The following SLCO1C1 variants were observed in gnomAD, a reference collection of about 807,000 sequenced individuals.
SLCO1C1 encodes the protein OAT-RP-5.
A neutral mutation model predicts 76.4 loss-of-function variants in SLCO1C1; 70 were observed. The ratio of observed to expected loss-of-function variants is 0.92; its 90% CI spans 0.76 to 1.12. SLCO1C1 has a LOEUF of 1.12. Among genes scored for constraint, SLCO1C1 ranks in the 50% most tolerant of loss-of-function variants. SLCO1C1 has a pLI of 0.00. For missense variants in SLCO1C1, 912 were observed against 823.8 expected, an observed-to-expected ratio of 1.11 and a Z score of -1.31; for synonymous variants, 306 against 286.1, an observed-to-expected ratio of 1.07 and a Z score of -0.70.
chr12:20,742,370 A>C (rs2120892331), intron 12 of SLCO1C1, among the ~76,000 whole-genome samples: 1 of 152,052 alleles, frequency 6.6e-6, no homozygotes, highest in South Asian at 2.1e-4. Context: ...CAGAGACTAA[A>C]TGATATAATA....
intron 9 of SLCO1C1, among the ~76,000 whole-genome samples, chr12:20,724,411 GTATATATATATATA>G (rs1168220832): frequency 1.9e-4 from 17 of 88,216 alleles, no homozygotes; most frequent in African/African-American, 3.8e-4. Flanking sequence ...GTGTGTGTGT[GTATATATATATATA>G]TATATATATA....
chr12:20,696,321 C>G (rs1315328671), intron 1 of SLCO1C1, among the ~76,000 whole-genome samples: 5 of 152,058 alleles, frequency 3.3e-5, no homozygotes, highest in African/African-American at 4.8e-5. Flanking sequence ...AGGTTTTCCT[C>G]ACAGGAGATG....
intron 13 of SLCO1C1, among the ~76,000 whole-genome samples, chr12:20,749,266 C>CA (rs2120933392): frequency 6.6e-6 from 1 of 152,028 alleles, no homozygotes; most frequent in East Asian, 1.9e-4. Context: ...AAAACATATA[C>CA]AAAAAAGGTT....
rs1332849800 is a variant in SLCO1C1 at position 20,701,432 on chromosome 12, G to A, written c.244G>A (p.Gly82Arg). The A allele has an allele frequency of 2.6e-6, 4 of 1,525,268 alleles. No individual in the cohort carries two copies. The highest frequency in any genetic ancestry group is 1.7e-5 in the Admixed American group (1 of 57,500). 94.5% of individuals were successfully genotyped at this position (1,525,268 alleles called of 1,614,324 possible). A position where few individuals can be genotyped will look rare whatever the true frequency, so the allele number is the denominator to read the frequency against. Residue 82 changes from glycine to arginine, a missense_variant, in exon 3 of 15, where the codon GGA becomes AGA. Transcript: ENST00000266509. ...GTTTGATATCCCTTCTTCACTGGTG[G>A]GAGTTATTGATGGTAGTTTTGAAAT... ...RRFDIPSSLV[G>R]VIDGSFEIGN...
chr12:20,745,210 TTA>T (rs1324828488), intron 13 of SLCO1C1, among the ~76,000 whole-genome samples: 1 of 152,168 alleles, frequency 6.6e-6, no homozygotes, highest in Non-Finnish European at 1.5e-5. Flanking sequence ...ATGTAGCTTT[TTA>T]TATGATTGTT....
At chr12:20,696,157 T>C (rs1326716532) in intron 1 of SLCO1C1, among the ~76,000 whole-genome samples, 1 of 152,160 alleles carries the variant, frequency 6.6e-6, no homozygotes, top group Non-Finnish European at 1.5e-5. Context: ...ACAAAAATAG[T>C]ACTTATTAAA....
chr12:20,746,032 T>C (rs1393959106), intron 13 of SLCO1C1, among the ~76,000 whole-genome samples: 3 of 152,112 alleles, frequency 2.0e-5, no homozygotes, highest in African/African-American at 4.8e-5. Context: ...TAAAAGCATA[T>C]GGCACCTTGG....
rs373445955 is a variant in SLCO1C1 at position 20,722,026 on chromosome 12, C to T, written c.998C>T (p.Ala333Val). 5.9e-5 allele frequency: 95 copies of T among 1,612,444 alleles called. No homozygotes were observed. The highest frequency in any genetic ancestry group is 7.5e-5 in the Non-Finnish European group (89 of 1,179,540). Residue 333 changes from alanine to valine, a missense_variant, in exon 8 of 15, where the codon GCA becomes GTA. Transcript: ENST00000266509. ...TDYQTPQGENAKIMEMARDFL... is the reference protein window; with the variant it reads ...TDYQTPQGENVKIMEMARDFL... ...TACCAAACACCCCAGGGAGAAAATG[C>T]AAAAATAATGGAAATGGCAAGAGGT...
At chr12:20,708,402 G>A (rs923767572) in intron 4 of SLCO1C1, among the ~76,000 whole-genome samples, 2 of 152,100 alleles carry the variant, frequency 1.3e-5, no homozygotes, top group African/African-American at 4.8e-5. Context: ...CTGAGGAGGA[G>A]ACAGAAAATA....
At chr12:20,737,015 CA>C (rs1948577529) in intron 10 of SLCO1C1, 91 bp from the exon 11 acceptor site, 1 of 1,166,444 alleles carries the variant, frequency 8.6e-7, no homozygotes, top group Non-Finnish European at 1.1e-6. Context: ...TTCATAGTAT[CA>C]TTTATATCAC....
intron 3 of SLCO1C1, among the ~76,000 whole-genome samples, chr12:20,703,977 GT>G (rs1946652603): frequency 1.4e-5 from 2 of 145,152 alleles, no homozygotes; most frequent in Non-Finnish European, 3.1e-5. Flanking sequence ...GTGTGTGTGT[GT>G]GTGTGTGTGC....
intron 9 of SLCO1C1, among the ~76,000 whole-genome samples, chr12:20,729,470 G>A (rs562009247): frequency 6.6e-6 from 1 of 152,128 alleles, no homozygotes; most frequent in East Asian, 1.9e-4. Flanking sequence ...GTTGGAGGGT[G>A]CGATACATAA....
intron 9 of SLCO1C1, among the ~76,000 whole-genome samples, chr12:20,732,628 T>C (rs1948339977): frequency 6.6e-6 from 1 of 152,166 alleles, no homozygotes; most frequent in South Asian, 2.1e-4. Context: ...TAATTGTACT[T>C]GTTAATGCTG....
intron 7 of SLCO1C1, 27 bp from the exon 8 acceptor site, chr12:20,721,777 T>C (rs781687236): frequency 5.0e-6 from 8 of 1,608,394 alleles, no homozygotes; most frequent in Non-Finnish European, 6.8e-6. Context: ...CTGTTTGTAT[T>C]ACTTAGCCAT....
intron 4 of SLCO1C1, among the ~76,000 whole-genome samples, chr12:20,708,030 C>A (rs1230862684): frequency 6.6e-6 from 1 of 152,146 alleles, no homozygotes; most frequent in Non-Finnish European, 1.5e-5. Flanking sequence ...CAAAAACACA[C>A]ACAATTCTTC....
At chr12:20,718,402 A>C (rs189890618) in intron 7 of SLCO1C1, among the ~76,000 whole-genome samples, 127 of 152,346 alleles carry the variant, frequency 8.3e-4, no homozygotes, top group African/African-American at 3.0e-3. Flanking sequence ...TTGATTCAAA[A>C]ACCTGTCAAT....
Position 20,699,613 on chromosome 12 carries a change from T to C in SLCO1C1, c.37T>C (p.Cys13Arg), listed in dbSNP as rs778959818. 44 of 1,612,406 alleles carry C rather than the reference T, an allele frequency of 2.7e-5. No individual in the cohort carries two copies. In the East Asian group the frequency reaches 9.2e-4, roughly 34 times the overall value. ...TSSKENIQLF[C>R]KTSVQPVGRP... is the part of the protein sequence containing the mutation. ...ATCCAAAGAAAATATCCAGTTGTTCTGCAAAACTTCAGTGCAACCTGTTGG... is the reference window on the plus strand; with the variant it reads ...ATCCAAAGAAAATATCCAGTTGTTCCGCAAAACTTCAGTGCAACCTGTTGG... The change falls in exon 2 of 15, where the codon TGC (cysteine) becomes CGC (arginine). Residue 13 changes from cysteine to arginine, a missense_variant. By Grantham distance (180) the Cys-to-Arg change is radical. Transcript: ENST00000266509.
chr12:20,705,179 T>C (rs749991234), intron 3 of SLCO1C1, among the ~76,000 whole-genome samples: 6 of 152,006 alleles, frequency 3.9e-5, no homozygotes, highest in Admixed American at 6.6e-5. Context: ...AAAAGTAACG[T>C]GTCACATGCT....
At chr12:20,733,634 A>G (rs1006401248) in intron 10 of SLCO1C1, among the ~76,000 whole-genome samples, 1 of 152,178 alleles carries the variant, frequency 6.6e-6, no homozygotes, top group African/African-American at 2.4e-5. Context: ...CCTCTTTGCA[A>G]TCCTCCATAG....
Sources: allele counts gnomAD v4.1 joint callset (sites outside exome capture counted in the v4.1 genomes callset), GRCh38; gene constraint gnomAD v4.1.1; transcripts MANE v1.5; gene names NCBI Gene and HGNC (gene_info 2026-07-23, HGNC 2026-07-21).